ABCF2: variants seen among roughly 807,000 people sequenced by gnomAD.
ABCF2 encodes ATP binding cassette subfamily F member 2.
Under a neutral mutation model 76.9 loss-of-function variants are expected in ABCF2, and 37 were observed. That is an observed-to-expected ratio of 0.48 (90% CI 0.37 to 0.63). The LOEUF (loss-of-function observed/expected upper bound fraction) is 0.63, where lower values mean the gene tolerates loss of function less well. Among genes scored for constraint, ABCF2 ranks in the 30% least tolerant of loss-of-function variants. The pLI, the probability that ABCF2 is intolerant of heterozygous loss-of-function variation, is 0.00. For missense variants in ABCF2, 524 were observed against 782.1 expected, an observed-to-expected ratio of 0.67 and a Z score of 3.94; for synonymous variants, 299 against 283.7, an observed-to-expected ratio of 1.05 and a Z score of -0.54.
Position 151,214,103 on chromosome 7 carries a change from T to A in ABCF2, c.1823A>T (p.Lys608Met), listed in dbSNP as rs762295078. ...GAGCTGGGGCTCCTCATCCACCAGC[T>A]TGGACTTGAGGTGCTCCTTGTAAGC... ...ILAYKEHLKSKLVDEEPQLTK... is the reference protein window; with the variant it reads ...ILAYKEHLKSMLVDEEPQLTK... Residue 608 changes from lysine (K) to methionine (M), a missense_variant, in exon 15 of 15, where the codon AAG becomes ATG. This residue lies in a region of ABCF2 where 194 missense variants were observed against 348.6 expected (regional missense o/e 0.56). Coordinates refer to ENST00000287844, the MANE Select transcript of ABCF2 (RefSeq NM_007189.3). The surrounding 1 kb of genome is among the most constrained non-coding windows in gnomAD (Gnocchi z 4.9). 14 of 1,614,188 alleles carry A rather than the reference T, an allele frequency of 8.7e-6. No homozygotes were observed. Among genetic ancestry groups the A allele is most frequent in the Non-Finnish European group, 1.1e-5 (13 of 1,180,036 alleles).
chr7:151,220,080 C>T (rs1311413833), intron 7 of ABCF2, among the ~76,000 whole-genome samples: 3 of 150,536 alleles, frequency 2.0e-5, no homozygotes, highest in Admixed American at 6.6e-5. Flanking sequence ...GCCTGGGTGA[C>T]AGAGACAGAC....
intron 10 of ABCF2, 28 bp from the exon 11 acceptor site, chr7:151,218,219 C>T (rs1802191377): frequency 6.7e-7 from 1 of 1,488,412 alleles, no homozygotes; most frequent in African/African-American, 1.4e-5. Flanking sequence ...GAGATGTGGA[C>T]ACAAGGCTAG....
At position 151,213,231 on chromosome 7, in the gene ABCF2, A is replaced by G; in HGVS notation, c.*823T>C. The G allele has an allele frequency of 5.1e-6, 5 of 977,944 alleles. No individual in the cohort carries two copies. The highest frequency in any genetic ancestry group is 6.1e-6 in the Non-Finnish European group (5 of 823,220). The allele number at this position is 977,944 out of a possible 1,614,324, so 60.6% of individuals were successfully genotyped here. On this transcript the variant is annotated 3_prime_UTR_variant, in exon 15 of 15. Coordinates refer to ENST00000287844, the MANE Select transcript of ABCF2 (RefSeq NM_007189.3). ...TGTTAACGTTCTTGGTCTCCCCCAAAACCTATTGAACCAGAAACGCTGAGG... is the reference window on the plus strand; with the variant it reads ...TGTTAACGTTCTTGGTCTCCCCCAAGACCTATTGAACCAGAAACGCTGAGG...
intron 2 of ABCF2, 132 bp from the exon 3 acceptor site, chr7:151,225,120 A>G: frequency 1.3e-6 from 1 of 793,724 alleles, no homozygotes; most frequent in East Asian, 2.5e-5. Flanking sequence ...CAGAGTGCAC[A>G]ATGACACAGA....
intron 5 of ABCF2, 95 bp downstream of exon 5, chr7:151,223,583 C>T: frequency 7.2e-7 from 1 of 1,389,054 alleles, no homozygotes; most frequent in Non-Finnish European, 9.7e-7. Flanking sequence ...TGACACTTAC[C>T]ACTGACTCCT....
chr7:151,220,146 CT>C (rs1802237123), intron 7 of ABCF2, among the ~76,000 whole-genome samples: 1 of 151,620 alleles, frequency 6.6e-6, no homozygotes, highest in South Asian at 2.1e-4. Context: ...AATCCCAGCA[CT>C]TTGGGAGGCC....
In ABCF2 at chr7:151,212,947, T is replaced by G; in HGVS notation, c.*1107A>C. The G allele has an allele frequency of 1.3e-5, 6 of 449,408 alleles. No individual in the cohort carries two copies. The highest frequency in any genetic ancestry group is 1.5e-5 in the Non-Finnish European group (5 of 340,288). 27.8% of individuals were successfully genotyped at this position (449,408 alleles called of 1,614,324 possible). ...CTGAGCAGGTGGGATTCCAGGCACA[T>G]AAAGACGGGTTTTGCCATGTTTCCC... On this transcript the variant is annotated 3_prime_UTR_variant, in exon 15 of 15. Coordinates refer to ENST00000287844, the MANE Select transcript of ABCF2 (RefSeq NM_007189.3).
chr7:151,219,073 T>C lies in ABCF2; in HGVS notation c.1008A>G (p.Ala336=). 1 of 1,614,068 alleles carries C rather than the reference T, an allele frequency of 6.2e-7. No homozygotes were observed. Among genetic ancestry groups the C allele is most frequent in the Non-Finnish European group, 8.5e-7 (1 of 1,179,984 alleles). The part of the protein sequence containing the change: ...KRFHWEQDQI[A]HMKNYIARFG... ...TCTGCAGTCTCCCTACCTTCATGTG[T>C]GCAATCTGATCTTGCTCCCAGTGAA... Residue 336 remains alanine, a synonymous_variant, in exon 8 of 15, where the codon GCA becomes GCG. Transcript: ENST00000287844.
chr7:151,225,753 A>G (rs1002767676), intron 2 of ABCF2, among the ~76,000 whole-genome samples: 26 of 152,244 alleles, frequency 1.7e-4, no homozygotes, highest in Non-Finnish European at 4.4e-5. Flanking sequence ...GCATATGGCC[A>G]TGTTTCCCAG....
rs1467706572 is a variant in ABCF2 at position 151,216,027 on chromosome 7, T to C, written c.1341A>G (p.Leu447=). ...TTCGGATCATGCCATCTGTGGGTAG[T>C]AGCTAGGAAGAAAAAAGTAGAAACG... ...STLLKLLTGE[L]LPTDGMIRKH... Residue 447 remains leucine, a splice_region_variant and synonymous_variant, in exon 12 of 15, where the codon CTA becomes CTG. Transcript: ENST00000287844. The C allele has an allele frequency of 6.2e-7, 1 of 1,613,976 alleles. No individual in the cohort carries two copies. Among genetic ancestry groups the C allele is most frequent in the African/African-American group, 1.3e-5 (1 of 74,988 alleles).
rs77941732 is a variant in ABCF2 at position 151,222,224 on chromosome 7, A to G, written c.818+297T>C. ...GAAGACCTCTTTTTAGCTTTATACA[A>G]TTAAGAAAAAAAATATATCTTTAAT... On this transcript the variant is annotated intron_variant, in intron 6 of 14. Transcript: ENST00000287844. Among the ~76,000 whole-genome samples the G allele has an allele frequency of 8.5e-3, 1,297 of 151,952 alleles. 28 individuals carry two copies. Among genetic ancestry groups the G allele is most frequent in the African/African-American group, 0.03 (1,227 of 41,254 alleles).
chr7:151,216,999 A>G (rs1229596633), intron 11 of ABCF2, among the ~76,000 whole-genome samples: 1 of 152,238 alleles, frequency 6.6e-6, no homozygotes, highest in Non-Finnish European at 1.5e-5. Context: ...AACTGTAAGG[A>G]GCACCTCCTA....
intron 7 of ABCF2, among the ~76,000 whole-genome samples, chr7:151,221,202 C>CTT (rs57035639): frequency 0.024 from 3,423 of 140,528 alleles, 157 homozygotes; most frequent in African/African-American, 0.084. Context: ...GATAGGTCTG[C>CTT]TTTTTTTTTT....
rs1369406383 is a variant in ABCF2, at chr7:151,211,733, G to A, written c.*2321C>T. ...TATCCCAGCAGCCCACTCTCCAGAT[G>A]CCATTCTCCCCTGAACCAAGGCTCT... On this transcript the variant is annotated 3_prime_UTR_variant, in exon 15 of 15. Transcript: ENST00000287844. 3.0e-6 allele frequency: 3 copies of A among 985,242 alleles called. No homozygotes were observed. The East Asian group carries it at 3.4e-4, about 112-fold the overall frequency. 61.0% of individuals were successfully genotyped at this position (985,242 alleles called of 1,614,324 possible).
rs371548915 is a variant in ABCF2, at chr7:151,221,560, A to C, written c.921+18T>G. ...TGGTATGCACAGAGATTACCAGAAGAAGCCGAGGCCCACTCACCGTATAAT... is the reference window on the plus strand; with the variant it reads ...TGGTATGCACAGAGATTACCAGAAGCAGCCGAGGCCCACTCACCGTATAAT... On this transcript the variant is annotated intron_variant, in intron 7 of 14. Transcript: ENST00000287844. 7 of 1,465,554 alleles carry C rather than the reference A, an allele frequency of 4.8e-6. No homozygotes were observed. The highest frequency in any genetic ancestry group is 3.8e-6 in the Non-Finnish European group (4 of 1,046,202). The allele number at this position is 1,465,554 out of a possible 1,614,324, so 90.8% of individuals were successfully genotyped here.
intron 3 of ABCF2, 150 bp downstream of exon 3, chr7:151,224,626 C>T (rs1393975039): frequency 4.1e-6 from 3 of 736,590 alleles, no homozygotes; most frequent in South Asian, 1.5e-5. Context: ...TACTGCTCTG[C>T]GTTGCTAGTT....
At position 151,215,077 on chromosome 7, in the gene ABCF2, G is replaced by A. The variant is rs1185027296; in HGVS notation, c.1536C>T (p.Ser512=). 1.9e-6 allele frequency: 3 copies of A among 1,612,826 alleles called. No homozygotes were observed. Among genetic ancestry groups the A allele is most frequent in the Admixed American group, 3.3e-5 (2 of 59,808 alleles). The part of the protein sequence containing the change: ...RYGLTGKQQV[S]PIRNLSDGQK... ...GCCCGTCTGACAAGTTCCGGATTGGGCTCACCTGAGTAGAACCGTGACCTA... is the reference window on the plus strand; with the variant it reads ...GCCCGTCTGACAAGTTCCGGATTGGACTCACCTGAGTAGAACCGTGACCTA... The change falls in exon 14 of 15, where the codon AGC becomes AGT. Residue 512 remains serine (S), a synonymous_variant. Coordinates refer to ENST00000287844, the MANE Select transcript of ABCF2 (RefSeq NM_007189.3). This position sits in a 1 kb window ranked among gnomAD's most constrained non-coding sequence, Gnocchi z 4.6.
chr7:151,221,511 TTTTTA>T, intron 7 of ABCF2, 62 bp downstream of exon 7: 1 of 1,162,666 alleles, frequency 8.6e-7, no homozygotes, highest in Non-Finnish European at 1.2e-6. Flanking sequence ...TTTTTTTTTT[TTTTTA>T]AAGAGAATTT....
Position 151,215,159 on chromosome 7 carries a change from C to A in ABCF2, c.1531-77G>T. The A allele has an allele frequency of 7.5e-7, 1 of 1,338,688 alleles. No homozygotes were observed. The highest frequency in any genetic ancestry group is 1.0e-6 in the Non-Finnish European group (1 of 955,076). 82.9% of individuals were successfully genotyped at this position (1,338,688 alleles called of 1,614,324 possible). ...CACAGCTCATCTCTCCCTCATTTCT[C>A]CCTGACTCCTCCATTAGCATCGCCA... On this transcript the variant is annotated intron_variant, in intron 13 of 14. Transcript: ENST00000287844. This position sits in a 1 kb window ranked among gnomAD's most constrained non-coding sequence, Gnocchi z 4.6.
Sources: gnomAD v4.1 joint callset for allele counts (sites outside exome capture counted in the v4.1 genomes callset) on GRCh38, gnomAD v4.1.1 for gene constraint, gnomAD v4.1.1 regional missense constraint, Gnocchi (gnomAD v3.1) non-coding constraint, MANE v1.5 for transcripts, NCBI Gene and HGNC (gene_info 2026-07-23, HGNC 2026-07-21) for gene names.